The following DYNC2H1 variants were observed in gnomAD, a reference collection of about 807,000 sequenced individuals.
DYNC2H1 encodes the protein cytoplasmic dynein 2 heavy chain 1.
In DYNC2H1, 410 loss-of-function variants were observed where a neutral mutation model predicts 570.0. The ratio of observed to expected loss-of-function variants is 0.72; its 90% CI spans 0.66 to 0.78. DYNC2H1 has a LOEUF of 0.78. Among genes scored for constraint, DYNC2H1 ranks in the 30% least tolerant of loss-of-function variants. The pLI is 0.00. For synonymous variants in DYNC2H1, 1,688 were observed against 1,677.6 expected, an observed-to-expected ratio of 1.01 and a Z score of -0.15; for missense variants, 4,865 against 5,046.4, an observed-to-expected ratio of 0.96 and a Z score of 1.09.
intron 31 of DYNC2H1, 140 bp downstream of exon 31, chr11:103,166,188 A>G (rs1424253005): frequency 5.1e-6 from 3 of 593,336 alleles, no homozygotes; most frequent in Admixed American, 8.4e-5. Context: ...TTAAATTTTT[A>G]TAATGTACTT....
chr11:103,457,250 A>G (rs1208575635), intron 87 of DYNC2H1, among the ~76,000 whole-genome samples: 1 of 152,222 alleles, frequency 6.6e-6, no homozygotes, highest in African/African-American at 2.4e-5. Flanking sequence ...TGTATTTACT[A>G]TATAATACCT....
rs367807679 is a variant in DYNC2H1 at position 103,173,233 on chromosome 11, T to C, written c.5486T>C (p.Ile1829Thr). 1 of 1,601,892 alleles carries C rather than the reference T, an allele frequency of 6.2e-7. No homozygotes were observed. The highest frequency in any genetic ancestry group is 1.3e-5 in the African/African-American group (1 of 74,104). The change falls in exon 35 of 89, where the codon ATT becomes ACT. Residue 1829 changes from isoleucine (I) to threonine (T), a missense_variant. Transcript: ENST00000375735. ...GACAATGAGCTTATTGCAGAAGTTA[T>C]TCTCTATTCGGAAGGCTTTAAAGAC... ...HPDNELIAEVILYSEGFKDAK... is the reference protein window; with the variant it reads ...HPDNELIAEVTLYSEGFKDAK...
At chr11:103,352,352 A>G (rs768182299) in intron 82 of DYNC2H1, among the ~76,000 whole-genome samples, 1 of 152,104 alleles carries the variant, frequency 6.6e-6, no homozygotes, top group Non-Finnish European at 1.5e-5. Context: ...TCTTTTTAAC[A>G]TAAGATTTGC....
chr11:103,366,883 TTTG>T (rs1940933000), intron 83 of DYNC2H1, among the ~76,000 whole-genome samples: 1 of 152,162 alleles, frequency 6.6e-6, no homozygotes, highest in African/African-American at 2.4e-5. Flanking sequence ...TTGATATCCC[TTTG>T]ATAACTAAAC....
At chr11:103,378,163 TAA>T (rs1941475081) in intron 83 of DYNC2H1, among the ~76,000 whole-genome samples, 9 of 152,196 alleles carry the variant, frequency 5.9e-5, no homozygotes, top group African/African-American at 2.2e-4. Context: ...TAATTGTTAT[TAA>T]TATTAAGAAT....
intron 17 of DYNC2H1, among the ~76,000 whole-genome samples, chr11:103,136,373 C>A (rs75524134): frequency 3.3e-5 from 5 of 150,522 alleles, no homozygotes; most frequent in Non-Finnish European, 5.9e-5. Flanking sequence ...TATCCCTCCC[C>A]CCTCCCGCCA....
chr11:103,174,278 C>T (rs551085998), intron 36 of DYNC2H1, 108 bp downstream of exon 36: 18 of 778,142 alleles, frequency 2.3e-5, no homozygotes, highest in South Asian at 2.9e-5. Flanking sequence ...TTAAGGATTA[C>T]TGTATACCCT....
At chr11:103,391,132 G>A (rs531708980) in intron 83 of DYNC2H1, among the ~76,000 whole-genome samples, 27 of 152,264 alleles carry the variant, frequency 1.8e-4, no homozygotes, top group South Asian at 4.2e-4. Flanking sequence ...TTTCAGGTAC[G>A]CCAATCAGAC....
At chr11:103,148,702 C>T in intron 20 of DYNC2H1, 85 bp downstream of exon 20, 2 of 1,437,074 alleles carry the variant, frequency 1.4e-6, no homozygotes, top group Non-Finnish European at 1.9e-6. Context: ...TCATTATTTA[C>T]AAATATATAA....
Position 103,241,528 on chromosome 11 carries a change from T to C in DYNC2H1, c.9820-2165T>C. The C allele has an allele frequency of 6.3e-7, 1 of 1,593,592 alleles. No individual in the cohort carries two copies. ...CTTCTTTTCATTTAACTGCATCAGA[T>C]CATTGGTTTGAAATCATGGGTAAGA... is the stretch of plus-strand genomic sequence containing the variant. On this transcript the variant is annotated intron_variant, in intron 63 of 88. Transcript: ENST00000375735. The surrounding 1 kb of genome is among the most constrained non-coding windows in gnomAD (Gnocchi z 5.1).
At chr11:103,192,006 G>A (rs1337642689) in intron 46 of DYNC2H1, 91 bp from the exon 47 acceptor site, 6 of 1,059,512 alleles carry the variant, frequency 5.7e-6, no homozygotes, top group Non-Finnish European at 7.8e-6. Context: ...ATTATGGTAT[G>A]TAGACACCTG....
chr11:103,161,021 G>C lies in DYNC2H1; in HGVS notation c.4468G>C (p.Val1490Leu). Reference sequence around the variant, plus strand: ...AGAAGTTGTACCTTTTAAAAATAAAGTTCCTCTATCAAATAATGTAGAGGT... The same window carrying C: ...AGAAGTTGTACCTTTTAAAAATAAACTTCCTCTATCAAATAATGTAGAGGT... ...EGEVVPFKNK[V>L]PLSNNVETWL... The change falls in exon 29 of 89, where the codon GTT becomes CTT. Residue 1490 changes from valine (V) to leucine (L), a missense_variant. Physicochemically the swap from Val to Leu is conservative, Grantham distance 32. Transcript: ENST00000375735. 1 of 1,520,538 alleles carries C rather than the reference G, an allele frequency of 6.6e-7. No homozygotes were observed. The highest frequency in any genetic ancestry group is 1.3e-5 in the South Asian group (1 of 74,112). The allele number at this position is 1,520,538 out of a possible 1,614,324, so 94.2% of individuals were successfully genotyped here.
intron 84 of DYNC2H1, among the ~76,000 whole-genome samples, chr11:103,426,992 G>A (rs1943696921): frequency 6.6e-6 from 1 of 152,074 alleles, no homozygotes; most frequent in South Asian, 2.1e-4. Flanking sequence ...AACATGGTTA[G>A]TGTGCTAAAT....
rs1028369368 is a variant in DYNC2H1 at position 103,319,694 on chromosome 11, C to T, written c.11726-1335C>T. Among the ~76,000 whole-genome samples, 2 of 151,964 alleles carry T rather than the reference C, an allele frequency of 1.3e-5. No individual in the cohort carries two copies. The highest frequency in any genetic ancestry group is 4.8e-5 in the African/African-American group (2 of 41,382). ...AAAATAAGATTTTCTTATAAAAATTCGATAAAATATTTCACATAATGGCTG... is the reference window on the plus strand; with the variant it reads ...AAAATAAGATTTTCTTATAAAAATTTGATAAAATATTTCACATAATGGCTG... On this transcript the variant is annotated intron_variant, in intron 80 of 88. Transcript: ENST00000375735. This position sits in a 1 kb window ranked among gnomAD's most constrained non-coding sequence, Gnocchi z 4.3.
chr11:103,234,227 T>C, intron 61 of DYNC2H1, 67 bp downstream of exon 61: 1 of 1,481,544 alleles, frequency 6.7e-7, no homozygotes, highest in South Asian at 1.4e-5. Context: ...ATGTAATGTA[T>C]GTTAAGAAAA....
At position 103,143,502 on chromosome 11, in the gene DYNC2H1, C is replaced by T. The variant is rs1591310177; in HGVS notation, c.2702+107C>T. 3 of 1,107,956 alleles carry T rather than the reference C, an allele frequency of 2.7e-6. No individual in the cohort carries two copies. In the East Asian group the frequency reaches 8.2e-5, roughly 30 times the overall value. 68.6% of individuals were successfully genotyped at this position (1,107,956 alleles called of 1,614,324 possible). A position where few individuals can be genotyped will look rare whatever the true frequency, so the allele number is the denominator to read the frequency against. On this transcript the variant is annotated intron_variant, in intron 18 of 88. Coordinates refer to ENST00000375735, the MANE Select transcript of DYNC2H1 (RefSeq NM_001377.3). ...TGAAGTCACATCAGCTTCTTGCCTC[C>T]TCCAGATCTCATTTATGACACTTGA...
chr11:103,419,360 G>A (rs1258037839), intron 84 of DYNC2H1, among the ~76,000 whole-genome samples: 1 of 152,126 alleles, frequency 6.6e-6, no homozygotes, highest in East Asian at 1.9e-4. Context: ...GGAGTCTCCA[G>A]ATACCTCCTA....
At chr11:103,193,169 T>C (rs1862386536) in intron 47 of DYNC2H1, among the ~76,000 whole-genome samples, 1 of 152,148 alleles carries the variant, frequency 6.6e-6, no homozygotes, top group South Asian at 2.1e-4. Flanking sequence ...AGGAAATGGG[T>C]TCAAGAGAAA....
chr11:103,117,949 A>G (rs1240179811), intron 6 of DYNC2H1, 86 bp downstream of exon 6: 4 of 1,078,566 alleles, frequency 3.7e-6, no homozygotes, highest in East Asian at 5.5e-5. Flanking sequence ...ATCAATAAGC[A>G]CTATACATCT....
Sources: allele counts gnomAD v4.1 joint callset (sites outside exome capture counted in the v4.1 genomes callset), GRCh38; gene constraint gnomAD v4.1.1; non-coding constraint Gnocchi (gnomAD v3.1); transcripts MANE v1.5; gene names NCBI Gene and HGNC (gene_info 2026-07-23, HGNC 2026-07-21).